Variants in LRRTM4 observed in about 807,000 individuals in gnomAD.
LRRTM4 encodes the protein leucine-rich repeat transmembrane neuronal protein 4.
LRRTM4 carries 25 observed loss-of-function variants against 47.6 expected under a neutral mutation model. The observed-to-expected ratio is 0.53, with a 90% CI of 0.38 to 0.73. The LOEUF is 0.73. LRRTM4 is among the 30% of genes least tolerant of loss of function. The pLI is 0.00. For missense variants in LRRTM4, 638 were observed against 713.4 expected, an observed-to-expected ratio of 0.89 and a Z score of 1.20; for synonymous variants, 311 against 269.5, an observed-to-expected ratio of 1.15 and a Z score of -1.51.
chr2:77,347,403 A>T (rs1476569125), intron 3 of LRRTM4, among the ~76,000 whole-genome samples: 1 of 152,154 alleles, frequency 6.6e-6, no homozygotes, highest in African/African-American at 2.4e-5. Flanking sequence ...GTATTACCAG[A>T]ATATTTGGAG....
At chr2:77,023,950 T>C (rs1678361754) in intron 3 of LRRTM4, among the ~76,000 whole-genome samples, 1 of 151,496 alleles carries the variant, frequency 6.6e-6, no homozygotes, top group Non-Finnish European at 1.5e-5. Flanking sequence ...TACCCAAGAC[T>C]GGGAAGGAAA....
At chr2:76,941,950 T>C (rs1345517729) in intron 3 of LRRTM4, among the ~76,000 whole-genome samples, 2 of 152,206 alleles carry the variant, frequency 1.3e-5, no homozygotes, top group Non-Finnish European at 2.9e-5. Flanking sequence ...TCATTACTAT[T>C]TTTCCACATC....
At chr2:76,848,373 C>T (rs933393245) in intron 3 of LRRTM4, among the ~76,000 whole-genome samples, 1 of 152,004 alleles carries the variant, frequency 6.6e-6, no homozygotes, top group Admixed American at 6.6e-5. Context: ...TTGGCCTCTT[C>T]TTATTTTTTT....
intron 3 of LRRTM4, among the ~76,000 whole-genome samples, chr2:77,297,940 ATT>A (rs1302476685): frequency 6.6e-6 from 1 of 152,184 alleles, no homozygotes; most frequent in Non-Finnish European, 1.5e-5. Context: ...TAAATCTTGC[ATT>A]GTTTCCAAAG....
chr2:77,042,620 G>T (rs1679074472), intron 3 of LRRTM4, among the ~76,000 whole-genome samples: 1 of 151,462 alleles, frequency 6.6e-6, no homozygotes, highest in Admixed American at 6.6e-5. Flanking sequence ...TGTTTTTATT[G>T]TATAGAAAAT....
At chr2:76,792,369 T>A (rs1364480803) in intron 3 of LRRTM4, among the ~76,000 whole-genome samples, 1 of 151,908 alleles carries the variant, frequency 6.6e-6, no homozygotes, top group African/African-American at 2.4e-5. Flanking sequence ...TGGAGGAAAG[T>A]GGTTATAGAA....
intron 3 of LRRTM4, among the ~76,000 whole-genome samples, chr2:77,264,758 C>T (rs1240517697): frequency 3.9e-5 from 6 of 152,018 alleles, no homozygotes; most frequent in Non-Finnish European, 8.8e-5. Context: ...AATGAGGCCC[C>T]TTATATAAAC....
At chr2:77,145,254 G>GTGTA (rs1553397936) in intron 3 of LRRTM4, among the ~76,000 whole-genome samples, 1 of 149,470 alleles carries the variant, frequency 6.7e-6, no homozygotes, top group Non-Finnish European at 1.5e-5. Context: ...ATCTATATGT[G>GTGTA]TATATATATA....
rs187972038 is a variant in LRRTM4 at position 77,044,031 on chromosome 2, C to A, written c.1552-295115G>T. Among the ~76,000 whole-genome samples, 234 of 151,528 alleles carry A rather than the reference C, an allele frequency of 1.5e-3. 4 individuals carry two copies. Among genetic ancestry groups the A allele is most frequent in the African/African-American group, 4.5e-3 (187 of 41,424 alleles). On this transcript the variant is annotated intron_variant, in intron 3 of 3. Transcript: ENST00000409884. Reference sequence around the variant, plus strand: ...GATTTCCTCATTTCCTCCTTCATTTCTGTTTGTTTTCTTCCTCATTTTCTT... The same window carrying A: ...GATTTCCTCATTTCCTCCTTCATTTATGTTTGTTTTCTTCCTCATTTTCTT...
At chr2:76,757,401 A>G (rs1029830252) in intron 3 of LRRTM4, among the ~76,000 whole-genome samples, 6 of 152,094 alleles carry the variant, frequency 3.9e-5, no homozygotes, top group African/African-American at 7.2e-5. Flanking sequence ...TTTGTTGTCT[A>G]TGAGGTGCCC....
intron 3 of LRRTM4, among the ~76,000 whole-genome samples, chr2:77,082,855 T>C (rs1445723940): frequency 6.6e-6 from 1 of 152,100 alleles, no homozygotes; most frequent in East Asian, 1.9e-4. Context: ...ATATACATAA[T>C]AAAAGTAATA....
At chr2:76,894,682 C>T (rs773639996) in intron 3 of LRRTM4, among the ~76,000 whole-genome samples, 4 of 151,858 alleles carry the variant, frequency 2.6e-5, no homozygotes, top group Admixed American at 6.6e-5. Flanking sequence ...TTGAGAGTAA[C>T]TGGAGTGACT....
intron 3 of LRRTM4, among the ~76,000 whole-genome samples, chr2:77,341,463 C>T (rs1273866179): frequency 6.6e-6 from 1 of 151,922 alleles, no homozygotes. Context: ...TACCATATCC[C>T]ACATTATTTC....
chr2:77,431,268 T>A (rs1181769747), intron 3 of LRRTM4, among the ~76,000 whole-genome samples: 1 of 148,844 alleles, frequency 6.7e-6, no homozygotes, highest in Non-Finnish European at 1.5e-5. Flanking sequence ...ATACAATTTT[T>A]TTTTTGCTCA....
chr2:77,029,745 A>T (rs1243484527), intron 3 of LRRTM4, among the ~76,000 whole-genome samples: 1 of 152,218 alleles, frequency 6.6e-6, no homozygotes, highest in African/African-American at 2.4e-5. Context: ...AGCAATAAAC[A>T]AAGATGTAGT....
chr2:77,134,177 A>G (rs1483960524), intron 3 of LRRTM4, among the ~76,000 whole-genome samples: 2 of 152,140 alleles, frequency 1.3e-5, no homozygotes, highest in Non-Finnish European at 2.9e-5. Context: ...AGCTGACTTT[A>G]ATAAAGATGG....
intron 3 of LRRTM4, among the ~76,000 whole-genome samples, chr2:77,078,849 T>A (rs572174365): frequency 2.6e-5 from 4 of 152,298 alleles, no homozygotes; most frequent in Non-Finnish European, 5.9e-5. Flanking sequence ...AATATAAATG[T>A]ATTCCTCACA....
intron 3 of LRRTM4, among the ~76,000 whole-genome samples, chr2:76,906,630 C>T (rs1043924771): frequency 1.3e-5 from 2 of 151,456 alleles, no homozygotes; most frequent in African/African-American, 4.9e-5. Context: ...CACATAGGCT[C>T]AAAATAAAAG....
chr2:77,256,870 C>T (rs1048959028), intron 3 of LRRTM4, among the ~76,000 whole-genome samples: 1 of 151,862 alleles, frequency 6.6e-6, no homozygotes, highest in Non-Finnish European at 1.5e-5. Context: ...AGGGAGGGAA[C>T]CAAACAGTGT....
Sources: allele counts gnomAD v4.1 joint callset (sites outside exome capture counted in the v4.1 genomes callset), GRCh38; gene constraint gnomAD v4.1.1; transcripts MANE v1.5; gene names NCBI Gene and HGNC (gene_info 2026-07-23, HGNC 2026-07-21).